RAPGEF6: variants seen among roughly 807,000 people sequenced by gnomAD.
RAPGEF6 encodes the protein Rap guanine nucleotide exchange factor 6.
A neutral mutation model predicts 171.4 loss-of-function variants in RAPGEF6; 56 were observed. That is an observed-to-expected ratio of 0.33 (90% CI 0.26 to 0.41). The LOEUF is 0.41. Ranked by LOEUF, RAPGEF6 falls within the 10% of genes least tolerant of loss-of-function variation. RAPGEF6 has a pLI of 1.00. For missense variants in RAPGEF6, 1,674 were observed against 1,921.4 expected, an observed-to-expected ratio of 0.87 and a Z score of 2.41; for synonymous variants, 692 against 650.1, an observed-to-expected ratio of 1.06 and a Z score of -0.98.
chr5:131,460,189 G>T (rs181320391), intron 19 of RAPGEF6, among the ~76,000 whole-genome samples: 2 of 152,172 alleles, frequency 1.3e-5, no homozygotes, highest in Non-Finnish European at 2.9e-5. Context: ...CCAAATCTCA[G>T]CCCTTTCCTA....
chr5:131,455,133 A>C (rs894950286), intron 20 of RAPGEF6, among the ~76,000 whole-genome samples: 8 of 152,262 alleles, frequency 5.3e-5, no homozygotes, highest in African/African-American at 1.9e-4. Context: ...AGAATGAATA[A>C]AAAATAGTAG....
chr5:131,526,015 A>C (rs1356616516), intron 6 of RAPGEF6, among the ~76,000 whole-genome samples: 1 of 152,190 alleles, frequency 6.6e-6, no homozygotes, highest in African/African-American at 2.4e-5. Flanking sequence ...TAAGCAGTAG[A>C]GTTGGGAATC....
At chr5:131,556,462 T>C (rs2149960419) in intron 5 of RAPGEF6, among the ~76,000 whole-genome samples, 1 of 152,182 alleles carries the variant, frequency 6.6e-6, no homozygotes, top group South Asian at 2.1e-4. Flanking sequence ...ATGAGACAAC[T>C]GGCTCCTAGT....
At chr5:131,542,831 G>A (rs1175520112) in intron 6 of RAPGEF6, among the ~76,000 whole-genome samples, 1 of 152,112 alleles carries the variant, frequency 6.6e-6, no homozygotes, top group Non-Finnish European at 1.5e-5. Flanking sequence ...GTTTCTTCAA[G>A]GGTCAGCAAA....
At chr5:131,428,132 G>A (rs1262265716) in intron 27 of RAPGEF6, among the ~76,000 whole-genome samples, 1 of 152,052 alleles carries the variant, frequency 6.6e-6, no homozygotes, top group Non-Finnish European at 1.5e-5. Flanking sequence ...CCATTGGCTG[G>A]GTGTGGTGGC....
chr5:131,492,543 TAAG>T (rs1430819412), intron 14 of RAPGEF6, 36 bp downstream of exon 14: 2 of 1,590,600 alleles, frequency 1.3e-6, no homozygotes, highest in East Asian at 4.5e-5. Flanking sequence ...ATAATACTTT[TAAG>T]AAGGCTTGAA....
chr5:131,561,647 T>A (rs1418183963), intron 5 of RAPGEF6, among the ~76,000 whole-genome samples: 1 of 110,300 alleles, frequency 9.1e-6, no homozygotes, highest in Non-Finnish European at 1.7e-5. Flanking sequence ...GCACCAAGAA[T>A]GAAACTCTGT....
chr5:131,434,305 C>T (rs889891763), intron 24 of RAPGEF6, among the ~76,000 whole-genome samples: 5 of 152,208 alleles, frequency 3.3e-5, no homozygotes, highest in African/African-American at 9.7e-5. Context: ...TGCAATGGCA[C>T]GATCATAGCT....
At chr5:131,531,956 T>TG (rs1759411980) in intron 6 of RAPGEF6, 1 of 259,704 alleles carries the variant, frequency 3.9e-6, no homozygotes, top group East Asian at 9.2e-5. Context: ...GATATTTAAA[T>TG]TAAAAAAAAA....
chr5:131,603,314 T>C lies in RAPGEF6; in HGVS notation c.154A>G (p.Arg52Gly), dbSNP rs775626656. Reference protein sequence around the residue: ...REHQLRLMSARARYERYSGNQ... With the variant: ...REHQLRLMSAGARYERYSGNQ... Reference sequence around the variant, plus strand: ...CCACTGTATCTCTCATAGCGTGCTCTTGCAGACATTAATCTATTAAAAAAA... The same window carrying C: ...CCACTGTATCTCTCATAGCGTGCTCCTGCAGACATTAATCTATTAAAAAAA... The change falls in exon 3 of 28, where the codon AGA (arginine) becomes GGA (glycine). Residue 52 changes from arginine (R) to glycine (G), a missense_variant. Arg to Gly is a moderately radical substitution (Grantham distance 125). Around this residue, in one of 3 missense-constraint regions of RAPGEF6, gnomAD observed 1,116 missense variants for 1,321.5 expected, o/e 0.84. Coordinates refer to ENST00000509018, the MANE Select transcript of RAPGEF6 (RefSeq NM_016340.6). 6 of 1,563,494 alleles carry C rather than the reference T, an allele frequency of 3.8e-6. No individual in the cohort carries two copies. Among genetic ancestry groups the C allele is most frequent in the East Asian group, 2.4e-5 (1 of 42,390 alleles).
At position 131,635,019 on chromosome 5, in the gene RAPGEF6, G is replaced by C. The variant is rs756438671; in HGVS notation, c.12C>G (p.Pro4=). The change falls in exon 1 of 28, where the codon CCC becomes CCG. Residue 4 remains proline, a synonymous_variant. Transcript: ENST00000509018. MNS[P]VDPGARQALR... ...ACGCCTGCCTAGCGCCAGGGTCCAC[G>C]GGTGAGTTCATGGCCACGGCCCGGG... 4.3e-6 allele frequency: 7 copies of C among 1,611,838 alleles called. No individual in the cohort carries two copies. In the East Asian group the frequency reaches 1.1e-4, roughly 26 times the overall value.
rs746245582 is a variant in RAPGEF6, at chr5:131,439,742, A to G, written c.3611-27T>C. 5 of 1,605,814 alleles carry G rather than the reference A, an allele frequency of 3.1e-6. No individual in the cohort carries two copies. In the South Asian group the frequency reaches 4.4e-5, roughly 14 times the overall value. ...TAAAAATAAAACCAAAGATGCAAAT[A>G]AGCATCGTTTCACAATTAAAATGTC... On this transcript the variant is annotated intron_variant, in intron 23 of 27. Transcript: ENST00000509018.
intron 1 of RAPGEF6, among the ~76,000 whole-genome samples, chr5:131,633,363 T>A (rs1404178698): frequency 6.6e-6 from 1 of 151,904 alleles, no homozygotes; most frequent in East Asian, 1.9e-4. Flanking sequence ...AATTTCAAAA[T>A]AAATAATTCT....
chr5:131,568,483 A>G (rs556618834), intron 4 of RAPGEF6, among the ~76,000 whole-genome samples: 1 of 152,156 alleles, frequency 6.6e-6, no homozygotes, highest in East Asian at 1.9e-4. Context: ...AGTGTACACC[A>G]CCACACACGT....
At chr5:131,473,639 A>C (rs1248469288) in intron 16 of RAPGEF6, among the ~76,000 whole-genome samples, 1 of 152,238 alleles carries the variant, frequency 6.6e-6, no homozygotes, top group African/African-American at 2.4e-5. Flanking sequence ...TCTATATTTT[A>C]TCAAATGCAG....
chr5:131,558,413 GTCTTT>G (rs1761378831), intron 5 of RAPGEF6, among the ~76,000 whole-genome samples: 1 of 151,866 alleles, frequency 6.6e-6, no homozygotes, highest in South Asian at 2.1e-4. Context: ...AATTTTCTTA[GTCTTT>G]TCTGAGACTC....
At chr5:131,559,815 G>A (rs1384080267) in intron 5 of RAPGEF6, among the ~76,000 whole-genome samples, 2 of 149,762 alleles carry the variant, frequency 1.3e-5, no homozygotes, top group Non-Finnish European at 3.0e-5. Context: ...CTCTACTCTC[G>A]GTAAGCCCCT....
chr5:131,427,754 A>G (rs896782750), intron 27 of RAPGEF6, among the ~76,000 whole-genome samples: 1 of 152,172 alleles, frequency 6.6e-6, no homozygotes, highest in Non-Finnish European at 1.5e-5. Flanking sequence ...AGAATATTCC[A>G]TTTGAGCCAC....
intron 5 of RAPGEF6, among the ~76,000 whole-genome samples, chr5:131,557,584 T>C (rs1312465415): frequency 2.0e-5 from 3 of 152,178 alleles, no homozygotes; most frequent in Non-Finnish European, 4.4e-5. Flanking sequence ...CCAATAGTTT[T>C]GGTATGGTGA....
Sources: gnomAD v4.1 joint callset for allele counts (sites outside exome capture counted in the v4.1 genomes callset) on GRCh38, gnomAD v4.1.1 for gene constraint, gnomAD v4.1.1 regional missense constraint, MANE v1.5 for transcripts, NCBI Gene and HGNC (gene_info 2026-07-23, HGNC 2026-07-21) for gene names.